MECOM: variants seen among roughly 807,000 people sequenced by gnomAD.
The protein encoded by MECOM is MDS1 and EVI1 complex locus.
In MECOM, 13 loss-of-function variants were observed where a neutral mutation model predicts 116.3. That is an observed-to-expected ratio of 0.11 (90% CI 0.07 to 0.18). The LOEUF (loss-of-function observed/expected upper bound fraction) is 0.18. Ranked by LOEUF, MECOM falls within the 10% of genes least tolerant of loss-of-function variation. The probability of loss-of-function intolerance (pLI) is 1.00; values close to 1 mark genes in which losing one functional copy is unlikely to be tolerated. For synonymous variants in MECOM, 528 were observed against 535.2 expected, an observed-to-expected ratio of 0.99 and a Z score of 0.19; for missense variants, 1,299 against 1,509.0, an observed-to-expected ratio of 0.86 and a Z score of 2.31.
At chr3:169,509,424 C>T (rs567126001) in intron 1 of MECOM, among the ~76,000 whole-genome samples, 7 of 152,268 alleles carry the variant, frequency 4.6e-5, no homozygotes, top group African/African-American at 1.2e-4. Context: ...CACTGTTGTA[C>T]GACCATCACC....
chr3:169,282,928 T>G (rs1021648507), intron 2 of MECOM, among the ~76,000 whole-genome samples: 1 of 152,110 alleles, frequency 6.6e-6, no homozygotes, highest in Non-Finnish European at 1.5e-5. Flanking sequence ...CACTGGCATA[T>G]GGCCACCCAC....
intron 2 of MECOM, among the ~76,000 whole-genome samples, chr3:169,353,137 C>A (rs1251408904): frequency 3.3e-5 from 5 of 151,850 alleles, no homozygotes; most frequent in African/African-American, 1.2e-4. Flanking sequence ...GCTACATAAG[C>A]CTAAGCATGG....
Position 169,084,739 on chromosome 3 carries a change from C to A in MECOM, c.*170G>T, listed in dbSNP as rs1317918116. The A allele has an allele frequency of 1.5e-5, 10 of 683,354 alleles. No homozygotes were observed. The highest frequency in any genetic ancestry group is 2.0e-5 in the Non-Finnish European group (9 of 443,902). 42.3% of individuals were successfully genotyped at this position (683,354 alleles called of 1,614,324 possible). A position where few individuals can be genotyped will look rare whatever the true frequency, so the allele number is the denominator to read the frequency against. ...ACAAAATATCGAGAATAAATAGTTT[C>A]TTTTTTCTTTCTTTTCTTTTTTAAA... On this transcript the variant is annotated 3_prime_UTR_variant, in exon 17 of 17. Transcript: ENST00000651503.
intron 2 of MECOM, among the ~76,000 whole-genome samples, chr3:169,168,384 G>A (rs1395086485): frequency 1.5e-5 from 2 of 131,892 alleles, no homozygotes; most frequent in East Asian, 4.6e-4. Flanking sequence ...TAAACTACTT[G>A]GTTCTTTATT....
At chr3:169,257,588 A>T (rs1167600731) in intron 2 of MECOM, among the ~76,000 whole-genome samples, 1 of 152,092 alleles carries the variant, frequency 6.6e-6, no homozygotes, top group Non-Finnish European at 1.5e-5. Flanking sequence ...ATTCTGTGAA[A>T]TTTTTGCACA....
At chr3:169,481,734 A>C (rs944946798) in intron 1 of MECOM, among the ~76,000 whole-genome samples, 2 of 152,080 alleles carry the variant, frequency 1.3e-5, no homozygotes, top group Non-Finnish European at 2.9e-5. Context: ...TAGACACAAC[A>C]ACCTCTGGTT....
chr3:169,102,765 C>T (rs1237814955), intron 10 of MECOM, among the ~76,000 whole-genome samples: 1 of 151,862 alleles, frequency 6.6e-6, no homozygotes. Flanking sequence ...GAGGGTATTG[C>T]CTAAGACTAC....
chr3:169,321,278 A>T (rs1560128281), intron 2 of MECOM, among the ~76,000 whole-genome samples: 1 of 152,184 alleles, frequency 6.6e-6, no homozygotes, highest in Non-Finnish European at 1.5e-5. Flanking sequence ...GAGGTGGCTC[A>T]CTCCTGTAAT....
At chr3:169,320,876 C>A (rs973139420) in intron 2 of MECOM, among the ~76,000 whole-genome samples, 2 of 152,034 alleles carry the variant, frequency 1.3e-5, no homozygotes, top group Non-Finnish European at 2.9e-5. Flanking sequence ...AAAAAGCTGC[C>A]CTTTTGTGAG....
intron 5 of MECOM, among the ~76,000 whole-genome samples, chr3:169,124,900 A>T (rs1732317037): frequency 6.6e-6 from 1 of 152,124 alleles, no homozygotes; most frequent in African/African-American, 2.4e-5. Flanking sequence ...AGTACCAATT[A>T]AGACCTTTGT....
chr3:169,459,297 A>G (rs936880855), intron 1 of MECOM, among the ~76,000 whole-genome samples: 1 of 152,222 alleles, frequency 6.6e-6, no homozygotes, highest in Non-Finnish European at 1.5e-5. Context: ...ACTATTTCTG[A>G]GTCAAGCAGT....
At chr3:169,105,954 A>C (rs1725264946) in intron 10 of MECOM, among the ~76,000 whole-genome samples, 1 of 152,174 alleles carries the variant, frequency 6.6e-6, no homozygotes, top group Non-Finnish European at 1.5e-5. Context: ...CTTAACATTT[A>C]TTATCTGGCA....
chr3:169,533,745 C>T (rs1202913623), intron 1 of MECOM, among the ~76,000 whole-genome samples: 2 of 152,030 alleles, frequency 1.3e-5, no homozygotes, highest in Admixed American at 6.6e-5. Flanking sequence ...CTGTGATTCA[C>T]GCTGTAGGTG....
intron 2 of MECOM, chr3:169,146,992 T>A: frequency 1.0e-6 from 1 of 995,292 alleles, no homozygotes; most frequent in South Asian, 4.4e-5. Flanking sequence ...CCGCCAACAG[T>A]GTATTTTTAA....
chr3:169,124,002 CAAAT>C (rs945591212), intron 5 of MECOM, among the ~76,000 whole-genome samples: 1 of 151,958 alleles, frequency 6.6e-6, no homozygotes, highest in African/African-American at 2.4e-5. Flanking sequence ...TTGGGGTAAA[CAAAT>C]AGGCTATGAA....
chr3:169,101,668 C>T (rs952099960), intron 11 of MECOM, among the ~76,000 whole-genome samples: 19 of 152,144 alleles, frequency 1.2e-4, no homozygotes, highest in Admixed American at 5.2e-4. Flanking sequence ...ACTTATGGAC[C>T]TTACTTCTCT....
At chr3:169,341,655 G>T (rs1724549999) in intron 2 of MECOM, among the ~76,000 whole-genome samples, 1 of 149,756 alleles carries the variant, frequency 6.7e-6, no homozygotes, top group South Asian at 2.1e-4. Context: ...CAGGAGAATC[G>T]CTTGAACCTG....
At chr3:169,240,005 CT>C (rs1204842247) in intron 2 of MECOM, among the ~76,000 whole-genome samples, 1 of 152,146 alleles carries the variant, frequency 6.6e-6, no homozygotes, top group African/African-American at 2.4e-5. Context: ...AATTTCCTGT[CT>C]ACATTTTCAT....
At chr3:169,527,930 A>G (rs1210907689) in intron 1 of MECOM, among the ~76,000 whole-genome samples, 4 of 152,124 alleles carry the variant, frequency 2.6e-5, no homozygotes, top group Non-Finnish European at 4.4e-5. Context: ...CTGTCTGTCT[A>G]TAGAAGTTTG....
Sources: allele counts gnomAD v4.1 joint callset (sites outside exome capture counted in the v4.1 genomes callset), GRCh38; gene constraint gnomAD v4.1.1; transcripts MANE v1.5; gene names NCBI Gene and HGNC (gene_info 2026-07-23, HGNC 2026-07-21).